PTPRB: variants seen among roughly 807,000 people sequenced by gnomAD.
The protein encoded by PTPRB is protein tyrosine phosphatase receptor type B, also known as receptor-type tyrosine-protein phosphatase beta.
Under a neutral mutation model 238.1 loss-of-function variants are expected in PTPRB, and 97 were observed. The observed-to-expected ratio is 0.41, with a 90% CI of 0.35 to 0.48. The LOEUF is 0.48. Among genes scored for constraint, PTPRB ranks in the 20% least tolerant of loss-of-function variants. PTPRB has a pLI of 0.30. For missense variants in PTPRB, 2,292 were observed against 2,681.9 expected (o/e 0.85, Z 3.21); for synonymous variants, 970 against 995.4 (o/e 0.97, Z 0.48).
At chr12:70,551,195 C>T (rs1026916237) in intron 21 of PTPRB, among the ~76,000 whole-genome samples, 5 of 152,214 alleles carry the variant, frequency 3.3e-5, no homozygotes, top group Non-Finnish European at 7.3e-5. Context: ...CACGCCCAGC[C>T]GCATCTCTTG....
At position 70,569,893 on chromosome 12, in the gene PTPRB, G is replaced by C; in HGVS notation, c.3416C>G (p.Thr1139Arg). Residue 1139 changes from threonine (T) to arginine (R), a missense_variant, in exon 14 of 34, where the codon ACA becomes AGA. Thr to Arg is a moderately conservative substitution (Grantham distance 71). This residue lies in a region of PTPRB where 683 missense variants were observed against 862.0 expected (regional missense o/e 0.79). Coordinates refer to ENST00000334414, the MANE Select transcript of PTPRB (RefSeq NM_001109754.4). Reference protein sequence around the residue: ...KNIHISPNGATDSLTVNWTPG... With the variant: ...KNIHISPNGARDSLTVNWTPG... ...AGTCCAGTTCACCGTCAGGCTATCT[G>C]TTGCTCCATTGGGAGAAATGTGAAT... The C allele has an allele frequency of 6.2e-7, 1 of 1,613,020 alleles. No homozygotes were observed. Among genetic ancestry groups the C allele is most frequent in the Non-Finnish European group, 8.5e-7 (1 of 1,179,008 alleles).
intron 2 of PTPRB, among the ~76,000 whole-genome samples, chr12:70,629,866 G>A (rs1303977901): frequency 1.3e-5 from 2 of 152,104 alleles, no homozygotes; most frequent in African/African-American, 4.8e-5. Context: ...TACATTCCTG[G>A]ACTCATAATG....
Position 70,534,880 on chromosome 12 carries a change from C to G in PTPRB, c.6157G>C (p.Glu2053Gln), listed in dbSNP as rs1331530559. Residue 2053 changes from glutamate (E) to glutamine (Q), a missense_variant, in exon 30 of 34, where the codon GAG (glutamate) becomes CAG (glutamine). Physicochemically the swap from Glu to Gln is conservative, Grantham distance 29. Around this residue, in one of 4 missense-constraint regions of PTPRB, gnomAD observed 397 missense variants for 502.0 expected, o/e 0.79. Transcript: ENST00000334414. ...ATGGTCCACTCAGGCAGGACGGACT[C>G]TGAGAGCATCTGCAGGATGAGGTCC... ...YGDLILQMLS[E>Q]SVLPEWTIRE... 1 of 1,613,966 alleles carries G rather than the reference C, an allele frequency of 6.2e-7. No individual in the cohort carries two copies. Among genetic ancestry groups the G allele is most frequent in the Non-Finnish European group, 8.5e-7 (1 of 1,179,864 alleles).
intron 13 of PTPRB, 137 bp from the exon 14 acceptor site, chr12:70,570,075 C>G: frequency 1.2e-6 from 1 of 838,858 alleles, no homozygotes; most frequent in Non-Finnish European, 1.8e-6. Context: ...CAATTTGCCA[C>G]TTTTCTCTGA....
chr12:70,617,683 TG>T (rs1884741318), intron 3 of PTPRB, among the ~76,000 whole-genome samples: 1 of 152,004 alleles, frequency 6.6e-6, no homozygotes, highest in Non-Finnish European at 1.5e-5. Context: ...TTTGCAGGGG[TG>T]GGGTGTTTTC....
At chr12:70,522,908 G>T in intron 33 of PTPRB, among the ~76,000 whole-genome samples, 1 of 121,086 alleles carries the variant, frequency 8.3e-6, no homozygotes, top group Admixed American at 1.1e-4. Flanking sequence ...TGTGGCCCAT[G>T]CTGGAGTGCA....
rs1399067583 is a variant in PTPRB at position 70,576,627 on chromosome 12, C to A, written c.2597G>T (p.Gly866Val). Residue 866 changes from glycine (G) to valine (V), a missense_variant, in exon 11 of 34, where the codon GGA (glycine) becomes GTA (valine). By Grantham distance (109) the Gly-to-Val change is moderately radical (BLOSUM62 -3). Transcript: ENST00000334414. ...ACGACCGGAATTGTTCACCGTTACT[C>A]CACTCACACTGGAAGGGACTGTGAT... ...EGRTVPSSVS[G>V]VTVNNSGRND... 1 of 1,511,108 alleles carries A rather than the reference C, an allele frequency of 6.6e-7. No individual in the cohort carries two copies. The highest frequency in any genetic ancestry group is 1.6e-5 in the African/African-American group (1 of 64,026). 93.6% of individuals were successfully genotyped at this position (1,511,108 alleles called of 1,614,324 possible). A position where few individuals can be genotyped will look rare whatever the true frequency, so the allele number is the denominator to read the frequency against.
At chr12:70,536,194 A>T (rs1425561495) in intron 28 of PTPRB, 35 bp from the exon 29 acceptor site, 2 of 1,599,566 alleles carry the variant, frequency 1.3e-6, no homozygotes, top group Admixed American at 1.7e-5. Context: ...AGTCAGAAAC[A>T]ATGGGCCTCT....
chr12:70,518,729 A>G lies in PTPRB; in HGVS notation c.*2760T>C, dbSNP rs1360980935. ...CTGCTTTCCAGAGAACAACAGAATG[A>G]CAATACAAAATTGATTTAATGAGAT... On this transcript the variant is annotated 3_prime_UTR_variant, in exon 34 of 34. Transcript: ENST00000334414. 6.6e-6 allele frequency: 1 copy of G among 152,214 alleles called. No homozygotes were observed. Among genetic ancestry groups the G allele is most frequent in the Non-Finnish European group, 1.5e-5 (1 of 68,040 alleles). The allele number at this position is 152,214 out of a possible 1,614,324, so 9.4% of individuals were successfully genotyped here. A position where few individuals can be genotyped will look rare whatever the true frequency, so the allele number is the denominator to read the frequency against.
At chr12:70,594,754 CATT>C in intron 5 of PTPRB, 30 bp from the exon 6 acceptor site, 3 of 1,610,386 alleles carry the variant, frequency 1.9e-6, no homozygotes, top group Non-Finnish European at 2.5e-6. Context: ...GTCCAAATGT[CATT>C]AATAATTCCC....
intron 10 of PTPRB, 107 bp downstream of exon 10, chr12:70,580,929 A>C (rs1881309261): frequency 9.2e-6 from 12 of 1,300,398 alleles, no homozygotes; most frequent in Middle Eastern, 2.3e-4. Flanking sequence ...AGCTTTTGTA[A>C]AGGCCAGGGA....
intron 30 of PTPRB, 35 bp from the exon 31 acceptor site, chr12:70,534,686 G>A: frequency 6.2e-7 from 1 of 1,606,290 alleles, no homozygotes; most frequent in South Asian, 1.1e-5. Context: ...AAGAGGAACT[G>A]TCCAATGCAA....
intron 4 of PTPRB, among the ~76,000 whole-genome samples, chr12:70,601,462 A>G (rs1883482524): frequency 6.6e-6 from 1 of 152,192 alleles, no homozygotes; most frequent in African/African-American, 2.4e-5. Flanking sequence ...GTTCTTCTCA[A>G]ACTGGATTTT....
chr12:70,633,972 G>A (rs1053809405), intron 2 of PTPRB, among the ~76,000 whole-genome samples: 1 of 152,156 alleles, frequency 6.6e-6, no homozygotes, highest in Admixed American at 6.6e-5. Context: ...GAGAGGCCTT[G>A]ATAGATGAAC....
intron 2 of PTPRB, 113 bp downstream of exon 2, chr12:70,635,558 T>A: frequency 7.9e-7 from 1 of 1,271,752 alleles, no homozygotes; most frequent in Admixed American, 2.6e-5. Flanking sequence ...GGAAATATGT[T>A]GGGGCATGTG....
intron 13 of PTPRB, among the ~76,000 whole-genome samples, 189 bp from the exon 14 acceptor site, chr12:70,570,127 G>T (rs556820412): frequency 2.0e-5 from 3 of 152,172 alleles, no homozygotes; most frequent in Non-Finnish European, 4.4e-5. Flanking sequence ...AAGCTTAGGG[G>T]GAAGTCAAAG....
chr12:70,605,040 A>G (rs1047040891), intron 4 of PTPRB, among the ~76,000 whole-genome samples: 10 of 152,236 alleles, frequency 6.6e-5, no homozygotes, highest in African/African-American at 2.2e-4. Context: ...TCAACAATTA[A>G]CGTTCCTAAA....
intron 21 of PTPRB, among the ~76,000 whole-genome samples, chr12:70,547,163 A>C (rs1245667961): frequency 1.3e-5 from 2 of 152,200 alleles, no homozygotes; most frequent in South Asian, 2.1e-4. Context: ...ATCCGAGTGT[A>C]ATCCTGTAAA....
chr12:70,607,700 C>T (rs572844904), intron 4 of PTPRB, among the ~76,000 whole-genome samples: 1 of 151,662 alleles, frequency 6.6e-6, no homozygotes, highest in Non-Finnish European at 1.5e-5. Flanking sequence ...CCACACCAGG[C>T]GAATTTTTTA....
Sources: allele counts gnomAD v4.1 joint callset (sites outside exome capture counted in the v4.1 genomes callset), GRCh38; gene constraint gnomAD v4.1.1; regional missense constraint gnomAD v4.1.1; transcripts MANE v1.5; gene names NCBI Gene and HGNC (gene_info 2026-07-23, HGNC 2026-07-21).